Variants in VEPH1 observed in about 807,000 individuals in gnomAD.
VEPH1 encodes the protein ventricular zone expressed PH domain containing 1.
VEPH1 carries 80 observed loss-of-function variants against 85.2 expected under a neutral mutation model. The ratio of observed to expected loss-of-function variants is 0.94; its 90% CI spans 0.78 to 1.13. VEPH1 has a LOEUF of 1.13. VEPH1 is among the 50% of genes most tolerant of loss of function. The pLI is 0.00. For missense variants in VEPH1, 955 were observed against 980.5 expected, an observed-to-expected ratio of 0.97 and a Z score of 0.35; for synonymous variants, 297 against 348.0, an observed-to-expected ratio of 0.85 and a Z score of 1.63.
chr3:157,276,119 C>T (rs1331868921), intron 12 of VEPH1, among the ~76,000 whole-genome samples: 1 of 152,192 alleles, frequency 6.6e-6, no homozygotes, highest in Non-Finnish European at 1.5e-5. Context: ...TAACATCCTA[C>T]ACAATATTGT....
In VEPH1 at chr3:157,381,369, G is replaced by C; in HGVS notation, c.914C>G (p.Ala305Gly). Residue 305 changes from alanine (A) to glycine (G), a missense_variant, in exon 7 of 14, where the codon GCC (alanine) becomes GGC (glycine). Ala to Gly is a moderately conservative substitution (Grantham distance 60, BLOSUM62 0). Coordinates refer to ENST00000362010, the MANE Select transcript of VEPH1 (RefSeq NM_001167912.2). Reference protein sequence around the residue: ...GAVGHVDEERARSCLTYLVSQ... With the variant: ...GAVGHVDEERGRSCLTYLVSQ... ...CACCAGGTATGTCAGGCAGCTCCTG[G>C]CTCTCTCCTACCAAAAACAATGAAG... 6.2e-7 allele frequency: 1 copy of C among 1,614,014 alleles called. No homozygotes were observed. Among genetic ancestry groups the C allele is most frequent in the Non-Finnish European group, 8.5e-7 (1 of 1,179,950 alleles).
At chr3:157,383,555 T>G (rs1411130149) in intron 6 of VEPH1, among the ~76,000 whole-genome samples, 3 of 152,228 alleles carry the variant, frequency 2.0e-5, no homozygotes, top group Non-Finnish European at 4.4e-5. Context: ...AGTTCCCTCA[T>G]TTTTGGTACT....
At chr3:157,385,567 T>C (rs1363628361) in intron 6 of VEPH1, among the ~76,000 whole-genome samples, 1 of 152,198 alleles carries the variant, frequency 6.6e-6, no homozygotes, top group African/African-American at 2.4e-5. Context: ...GTGAGAAGAC[T>C]GGCATTCCTC....
chr3:157,340,248 G>A (rs1723392741), intron 9 of VEPH1, among the ~76,000 whole-genome samples: 1 of 152,222 alleles, frequency 6.6e-6, no homozygotes, highest in Non-Finnish European at 1.5e-5. Context: ...GGAAGTGCAA[G>A]GGGTCAGGGA....
intron 3 of VEPH1, among the ~76,000 whole-genome samples, chr3:157,467,902 A>C (rs1736540465): frequency 6.6e-6 from 1 of 152,180 alleles, no homozygotes; most frequent in Non-Finnish European, 1.5e-5. Context: ...CTTGATCATC[A>C]ATGAGTTGAG....
intron 6 of VEPH1, among the ~76,000 whole-genome samples, chr3:157,387,868 A>G (rs367812309): frequency 6.6e-6 from 1 of 152,222 alleles, no homozygotes; most frequent in Non-Finnish European, 1.5e-5. Flanking sequence ...TCAGATGTGC[A>G]GCCAAAGGAG....
chr3:157,468,973 A>G (rs1736659946), intron 3 of VEPH1, among the ~76,000 whole-genome samples: 1 of 152,178 alleles, frequency 6.6e-6, no homozygotes, highest in African/African-American at 2.4e-5. Context: ...TGCTGCCCTA[A>G]AGACGAGTGG....
At chr3:157,463,556 G>A (rs1003816485) in intron 3 of VEPH1, among the ~76,000 whole-genome samples, 1 of 152,110 alleles carries the variant, frequency 6.6e-6, no homozygotes, top group Non-Finnish European at 1.5e-5. Context: ...GATCATTACT[G>A]ATACGATGAG....
chr3:157,300,059 G>T (rs1194110986), intron 11 of VEPH1, among the ~76,000 whole-genome samples: 1 of 152,162 alleles, frequency 6.6e-6, no homozygotes, highest in East Asian at 1.9e-4. Flanking sequence ...GTAGAGGCAG[G>T]ATTCAAACCC....
At chr3:157,416,744 GAAC>G (rs1265109509) in intron 5 of VEPH1, among the ~76,000 whole-genome samples, 1 of 145,048 alleles carries the variant, frequency 6.9e-6, no homozygotes, top group Admixed American at 6.9e-5. Context: ...GTCCTGTAAA[GAAC>G]AATTAAAAAG....
chr3:157,503,199 T>C (rs1740250539), intron 1 of VEPH1, 78 bp downstream of exon 1: 1 of 152,276 alleles, frequency 6.6e-6, no homozygotes. Flanking sequence ...ACTCTTTGCT[T>C]CTTTGCAGCC....
At chr3:157,312,001 A>G (rs1463294193) in intron 11 of VEPH1, among the ~76,000 whole-genome samples, 1 of 152,242 alleles carries the variant, frequency 6.6e-6, no homozygotes, top group South Asian at 2.1e-4. Flanking sequence ...GAGCATTACA[A>G]ATAAACTTCT....
At chr3:157,274,763 G>A (rs1715165684) in intron 12 of VEPH1, among the ~76,000 whole-genome samples, 1 of 152,102 alleles carries the variant, frequency 6.6e-6, no homozygotes, top group Non-Finnish European at 1.5e-5. Flanking sequence ...GCCTCCCAAA[G>A]TTTTGGGATT....
intron 4 of VEPH1, among the ~76,000 whole-genome samples, chr3:157,451,814 A>G (rs1413809079): frequency 6.6e-6 from 1 of 152,180 alleles, no homozygotes; most frequent in Non-Finnish European, 1.5e-5. Flanking sequence ...TCTGCTCATA[A>G]AATTTATGGG....
chr3:157,270,006 C>G (rs948672315), intron 12 of VEPH1, among the ~76,000 whole-genome samples: 11 of 151,314 alleles, frequency 7.3e-5, no homozygotes, highest in East Asian at 3.9e-4. Context: ...TTTGGGAGGC[C>G]GAGACAGAGG....
intron 11 of VEPH1, among the ~76,000 whole-genome samples, chr3:157,301,962 CTT>C (rs1718860353): frequency 6.6e-6 from 1 of 152,162 alleles, no homozygotes; most frequent in African/African-American, 2.4e-5. Context: ...GTGTTTGAAA[CTT>C]CAGATTCGGA....
At position 157,355,052 on chromosome 3, in the gene VEPH1, C is replaced by T. The variant is rs150646472; in HGVS notation, c.1735+8312G>A. ...GGCTGTGCTCCTTCTTTCCACAGGA[C>T]AGACGGTTCTCTTCAGCTCCCACAC... On this transcript the variant is annotated intron_variant, in intron 9 of 13. Coordinates refer to ENST00000362010, the MANE Select transcript of VEPH1 (RefSeq NM_001167912.2). Among the ~76,000 whole-genome samples the T allele has an allele frequency of 1.9e-3, 289 of 152,300 alleles. 1 individual carries two copies. The highest frequency in any genetic ancestry group is 6.7e-3 in the African/African-American group (278 of 41,558).
At chr3:157,430,381 A>G (rs913679271) in intron 4 of VEPH1, among the ~76,000 whole-genome samples, 1 of 152,212 alleles carries the variant, frequency 6.6e-6, no homozygotes, top group African/African-American at 2.4e-5. Flanking sequence ...TGTAGGAGTT[A>G]TATCTCCAAG....
intron 4 of VEPH1, among the ~76,000 whole-genome samples, chr3:157,445,448 C>T (rs752460231): frequency 4.6e-5 from 7 of 151,994 alleles, no homozygotes; most frequent in Non-Finnish European, 7.4e-5. Flanking sequence ...TGGTGAAACC[C>T]GTTTCTACTA....
Sources: gnomAD v4.1 joint callset for allele counts (sites outside exome capture counted in the v4.1 genomes callset) on GRCh38, gnomAD v4.1.1 for gene constraint, MANE v1.5 for transcripts, NCBI Gene and HGNC (gene_info 2026-07-23, HGNC 2026-07-21) for gene names.